DPP10: variants seen among roughly 807,000 people sequenced by gnomAD.
DPP10 encodes the protein dipeptidyl peptidase like 10.
A neutral mutation model predicts 120.9 loss-of-function variants in DPP10; 33 were observed. The ratio of observed to expected loss-of-function variants is 0.27; its 90% confidence interval spans 0.21 to 0.37. The LOEUF (loss-of-function observed/expected upper bound fraction) is 0.37. Ranked by LOEUF, DPP10 falls within the 10% of genes least tolerant of loss-of-function variation. The pLI is 1.00. For synonymous variants in DPP10, 337 were observed against 326.1 expected (o/e 1.03, Z -0.36); for missense variants, 816 against 942.8 (o/e 0.87, Z 1.76).
intron 3 of DPP10, among the ~76,000 whole-genome samples, chr2:115,381,967 A>T (rs574449580): frequency 5.0e-4 from 76 of 152,148 alleles, no homozygotes; most frequent in African/African-American, 1.7e-3. Flanking sequence ...GCTGTCAGAC[A>T]GGGACATTTA....
At chr2:115,451,310 T>C (rs708653) in intron 3 of DPP10, among the ~76,000 whole-genome samples, 81,069 of 151,666 alleles carry the variant, frequency 0.53, 23,610 homozygotes, top group Non-Finnish European at 0.67. Flanking sequence ...ACATATAATT[T>C]ATTATTTAAG....
intron 1 of DPP10, among the ~76,000 whole-genome samples, chr2:114,769,029 A>G (rs1681001702): frequency 6.6e-6 from 1 of 152,146 alleles, no homozygotes; most frequent in African/African-American, 2.4e-5. Context: ...CAAGAGGAAG[A>G]CTAAATTAAG....
chr2:115,162,023 G>C (rs1452247373), intron 1 of DPP10: 2 of 1,399,826 alleles, frequency 1.4e-6, no homozygotes, highest in South Asian at 3.2e-5. Flanking sequence ...GCAGCCGGCG[G>C]ACCAGGTGAG....
Position 115,844,254 on chromosome 2 carries a change from GA to G in DPP10, c.*1911del, listed in dbSNP as rs1489076182. 1 of 152,490 alleles carries G rather than the reference GA, an allele frequency of 6.6e-6. No homozygotes were observed. The highest frequency in any genetic ancestry group is 1.5e-5 in the Non-Finnish European group (1 of 67,998). 9.4% of individuals were successfully genotyped at this position (152,490 alleles called of 1,614,324 possible). A position where few individuals can be genotyped will look rare whatever the true frequency, so the allele number is the denominator to read the frequency against. On this transcript the variant is annotated 3_prime_UTR_variant, in exon 26 of 26. Coordinates refer to ENST00000410059, the MANE Select transcript of DPP10 (RefSeq NM_020868.6). ...GCTTTTTAACCAATATTTTAAATTT[GA>G]ACCACTAGAGTTTTTTATGATGCAA...
At chr2:114,821,243 G>A (rs547214144) in intron 1 of DPP10, among the ~76,000 whole-genome samples, 1 of 152,274 alleles carries the variant, frequency 6.6e-6, no homozygotes, top group Admixed American at 6.5e-5. Flanking sequence ...TGCAAATGCA[G>A]GGCACCATGA....
chr2:114,754,395 C>G (rs1011227792), intron 1 of DPP10, among the ~76,000 whole-genome samples: 2 of 152,168 alleles, frequency 1.3e-5, no homozygotes, highest in Non-Finnish European at 2.9e-5. Flanking sequence ...GAGAGCATAA[C>G]TAGTAGCAAT....
At chr2:115,479,928 C>T (rs555357171) in intron 3 of DPP10, among the ~76,000 whole-genome samples, 11 of 152,232 alleles carry the variant, frequency 7.2e-5, no homozygotes, top group Admixed American at 2.0e-4. Flanking sequence ...GACATGAATG[C>T]GTCCACACCT....
chr2:115,352,609 A>C (rs1327074455), intron 3 of DPP10, among the ~76,000 whole-genome samples: 4 of 152,200 alleles, frequency 2.6e-5, no homozygotes, highest in Non-Finnish European at 5.9e-5. Context: ...ACATTTTTCT[A>C]GATACAAAGA....
At chr2:114,822,036 G>C (rs1574269209) in intron 1 of DPP10, among the ~76,000 whole-genome samples, 1 of 152,136 alleles carries the variant, frequency 6.6e-6, no homozygotes, top group Non-Finnish European at 1.5e-5. Flanking sequence ...AGCTCTACTA[G>C]GTCCACCAGG....
chr2:115,291,676 T>C (rs71418549), intron 1 of DPP10, among the ~76,000 whole-genome samples: 7,121 of 152,186 alleles, frequency 0.047, 286 homozygotes, highest in East Asian at 0.2. Context: ...AAGAATGAAA[T>C]AACTACCACT....
chr2:114,477,953 A>G (rs1035924185), intron 1 of DPP10, among the ~76,000 whole-genome samples: 6 of 149,410 alleles, frequency 4.0e-5, no homozygotes, highest in Admixed American at 2.0e-4. Flanking sequence ...ATGTACATAT[A>G]TGTGTGTATA....
At chr2:114,749,649 C>A (rs756792894) in intron 1 of DPP10, among the ~76,000 whole-genome samples, 1 of 149,116 alleles carries the variant, frequency 6.7e-6, no homozygotes, top group African/African-American at 2.5e-5. Flanking sequence ...TGCAGCGGCA[C>A]GATCTTGGTT....
chr2:114,954,223 G>A (rs1045401756), intron 1 of DPP10, among the ~76,000 whole-genome samples: 1 of 151,528 alleles, frequency 6.6e-6, no homozygotes, highest in African/African-American at 2.4e-5. Flanking sequence ...TGGGACTACA[G>A]GCGCCCGCCA....
At position 114,593,931 on chromosome 2, in the gene DPP10, G is replaced by A. The variant is rs530776739; in HGVS notation, c.60+151093G>A. On this transcript the variant is annotated intron_variant, in intron 1 of 25. Transcript: ENST00000410059. ...TGCGGTTGTGATCTTTCTCACTGGA[G>A]TTGTGAAAAAGCAGAAAGTGAGTCC... 2.6e-5 allele frequency among the ~76,000 whole-genome samples: 4 copies of A among 152,272 alleles called. No individual in the cohort carries two copies. In the East Asian group the frequency reaches 7.7e-4, roughly 29 times the overall value.
chr2:114,663,431 A>G (rs759438327), intron 1 of DPP10, among the ~76,000 whole-genome samples: 73 of 150,230 alleles, frequency 4.9e-4, no homozygotes, highest in Admixed American at 7.3e-4. Context: ...TTAGTTGTCA[A>G]TGTGTCTTGG....
intron 1 of DPP10, among the ~76,000 whole-genome samples, chr2:115,036,108 C>G (rs1038449727): frequency 6.6e-6 from 1 of 152,292 alleles, no homozygotes; most frequent in South Asian, 2.1e-4. Flanking sequence ...AGGAGACTTA[C>G]AATCATGGCA....
chr2:114,973,517 C>A (rs1407331448), intron 1 of DPP10, among the ~76,000 whole-genome samples: 1 of 151,498 alleles, frequency 6.6e-6, no homozygotes, highest in Admixed American at 6.6e-5. Flanking sequence ...AAAAAATTAG[C>A]CGGGCGTGGT....
intron 1 of DPP10, among the ~76,000 whole-genome samples, chr2:114,943,063 C>A (rs578235367): frequency 1.3e-5 from 2 of 152,084 alleles, no homozygotes; most frequent in Admixed American, 6.5e-5. Context: ...CTCCACCCCC[C>A]AGCAGGCCCA....
At chr2:114,893,622 T>C (rs565544122) in intron 1 of DPP10, among the ~76,000 whole-genome samples, 6 of 152,278 alleles carry the variant, frequency 3.9e-5, no homozygotes, top group African/African-American at 1.4e-4. Context: ...AAGAGGCTGA[T>C]TGGGGCCAAA....
Sources: gnomAD v4.1 joint callset for allele counts (sites outside exome capture counted in the v4.1 genomes callset) on GRCh38, gnomAD v4.1.1 for gene constraint, MANE v1.5 for transcripts, NCBI Gene and HGNC (gene_info 2026-07-23, HGNC 2026-07-21) for gene names.